CNTN4: variants seen among roughly 807,000 people sequenced by gnomAD.
CNTN4 encodes contactin 4.
A neutral mutation model predicts 122.5 loss-of-function variants in CNTN4; 77 were observed. That is an observed-to-expected ratio of 0.63 (90% CI 0.52 to 0.76). CNTN4 has a LOEUF of 0.76. Ranked by LOEUF, CNTN4 falls within the 30% of genes least tolerant of loss-of-function variation. CNTN4 has a pLI of 0.00. For missense variants in CNTN4, 1,256 were observed against 1,259.1 expected (o/e 1.00, Z 0.04); for synonymous variants, 512 against 447.0 (o/e 1.15, Z -1.83).
rs189142872 is a variant in CNTN4 at position 2,652,215 on chromosome 3, C to T, written c.55+80657C>T. ...GCAGCCTGGGCAACAGAGCAAGACC[C>T]TGTCTCTGAAACAGACAAACACAAT... On this transcript the variant is annotated intron_variant, in intron 4 of 24. Transcript: ENST00000418658. 5.1e-3 allele frequency among the ~76,000 whole-genome samples: 780 copies of T among 152,182 alleles called. 7 individuals are homozygous for T. Among genetic ancestry groups the T allele is most frequent in the African/African-American group, 0.018 (750 of 41,508 alleles).
intron 2 of CNTN4, among the ~76,000 whole-genome samples, chr3:2,287,507 G>T (rs985031530): frequency 1.3e-5 from 2 of 151,752 alleles, no homozygotes; most frequent in African/African-American, 2.4e-5. Context: ...GTGGGCTGAG[G>T]TAGGAAGGTC....
At chr3:3,024,189 AAAGTAGAAC>A (rs1698522431) in intron 14 of CNTN4, among the ~76,000 whole-genome samples, 1 of 152,156 alleles carries the variant, frequency 6.6e-6, no homozygotes, top group South Asian at 2.1e-4. Context: ...GCAGCTGTTT[AAAGTAGAAC>A]TAGGCAACAT....
intron 5 of CNTN4, among the ~76,000 whole-genome samples, chr3:2,737,732 C>G (rs972457359): frequency 2.0e-5 from 3 of 152,162 alleles, no homozygotes; most frequent in East Asian, 3.9e-4. Context: ...ACAGAGGTCA[C>G]AAGACAAAGC....
intron 10 of CNTN4, among the ~76,000 whole-genome samples, chr3:2,889,359 G>A (rs557792736): frequency 2.0e-5 from 3 of 152,162 alleles, no homozygotes; most frequent in East Asian, 3.9e-4. Context: ...AATATTAAAG[G>A]ACTGACTCTC....
chr3:2,273,987 G>A (rs1355873280), intron 2 of CNTN4, among the ~76,000 whole-genome samples: 1 of 152,084 alleles, frequency 6.6e-6, no homozygotes, highest in East Asian at 1.9e-4. Flanking sequence ...AAACTCATTT[G>A]AGAGAAAACA....
intron 2 of CNTN4, among the ~76,000 whole-genome samples, chr3:2,167,219 G>A (rs941879108): frequency 3.9e-5 from 6 of 151,962 alleles, no homozygotes; most frequent in African/African-American, 1.2e-4. Flanking sequence ...TAATTGGAAA[G>A]TTTTTCACTA....
chr3:2,108,976 C>T (rs185121011), intron 2 of CNTN4, among the ~76,000 whole-genome samples: 303 of 152,248 alleles, frequency 2.0e-3, no homozygotes, highest in African/African-American at 6.5e-3. Context: ...GTTCATGGAG[C>T]ATAAACAATG....
At chr3:2,213,905 C>T (rs1288388991) in intron 2 of CNTN4, among the ~76,000 whole-genome samples, 8 of 152,118 alleles carry the variant, frequency 5.3e-5, no homozygotes, top group African/African-American at 1.4e-4. Flanking sequence ...CAACAAACCA[C>T]GATGGGCTCA....
chr3:2,538,295 G>A (rs79317333), intron 3 of CNTN4, among the ~76,000 whole-genome samples: 1,994 of 152,096 alleles, frequency 0.013, 40 homozygotes, highest in African/African-American at 0.045. Flanking sequence ...TCAGAACTTT[G>A]ACACAATACA....
At chr3:2,755,010 AGTG>A (rs2090269287) in intron 6 of CNTN4, among the ~76,000 whole-genome samples, 1 of 152,114 alleles carries the variant, frequency 6.6e-6, no homozygotes, top group Admixed American at 6.6e-5. Context: ...TGGTAGTGGT[AGTG>A]GTGGTGGTGA....
chr3:2,814,425 A>T (rs1185091714), intron 6 of CNTN4, among the ~76,000 whole-genome samples: 1 of 147,288 alleles, frequency 6.8e-6, no homozygotes, highest in Non-Finnish European at 1.5e-5. Context: ...TTCTTAATAG[A>T]GTTGTTTCTG....
intron 3 of CNTN4, among the ~76,000 whole-genome samples, chr3:2,398,279 A>C (rs545337719): frequency 6.6e-6 from 1 of 152,292 alleles, no homozygotes; most frequent in South Asian, 2.1e-4. Flanking sequence ...ATGACTCATT[A>C]AAACAAAAAC....
intron 2 of CNTN4, among the ~76,000 whole-genome samples, chr3:2,180,480 G>A (rs190816518): frequency 6.6e-6 from 1 of 151,858 alleles, no homozygotes; most frequent in Non-Finnish European, 1.5e-5. Context: ...ACATATTTTG[G>A]GTCCACTTGC....
intron 2 of CNTN4, among the ~76,000 whole-genome samples, chr3:2,270,905 GGCGTGCAGGCT>G (rs1177068118): frequency 1.3e-5 from 2 of 152,098 alleles, no homozygotes; most frequent in Admixed American, 6.6e-5. Context: ...TTAGTTCACA[GGCGTGCAGGCT>G]GTGGTCAGTT....
intron 21 of CNTN4, 106 bp from the exon 22 acceptor site, chr3:3,042,871 T>C (rs1013523981): frequency 5.6e-5 from 50 of 887,540 alleles, no homozygotes; most frequent in Non-Finnish European, 8.9e-5. Context: ...TGATGTAGTA[T>C]AGAAAACTAA....
At chr3:2,561,516 G>T (rs368928848) in intron 3 of CNTN4, among the ~76,000 whole-genome samples, 1 of 151,954 alleles carries the variant, frequency 6.6e-6, no homozygotes, top group African/African-American at 2.4e-5. Flanking sequence ...CCTTTGGCAC[G>T]GTGTGCTCCC....
chr3:2,457,900 T>C (rs188499617), intron 3 of CNTN4, among the ~76,000 whole-genome samples: 3 of 152,290 alleles, frequency 2.0e-5, no homozygotes, highest in Non-Finnish European at 4.4e-5. Context: ...TTGGCCATGC[T>C]GAGGGCTCAT....
intron 3 of CNTN4, among the ~76,000 whole-genome samples, chr3:2,384,153 T>A (rs970577639): frequency 3.3e-5 from 5 of 152,164 alleles, no homozygotes; most frequent in Admixed American, 6.5e-5. Flanking sequence ...CATGTAGCCG[T>A]GTGCATCATA....
At chr3:2,707,138 GA>G (rs1011135649) in intron 4 of CNTN4, among the ~76,000 whole-genome samples, 2 of 151,012 alleles carry the variant, frequency 1.3e-5, no homozygotes, top group African/African-American at 2.4e-5. Flanking sequence ...CATCTCTATA[GA>G]AAAAAAATAC....
Sources: allele counts gnomAD v4.1 joint callset (sites outside exome capture counted in the v4.1 genomes callset), GRCh38; gene constraint gnomAD v4.1.1; transcripts MANE v1.5; gene names NCBI Gene and HGNC (gene_info 2026-07-23, HGNC 2026-07-21).